OSBPL6: variants seen among roughly 807,000 people sequenced by gnomAD.
OSBPL6 encodes oxysterol binding protein like 6.
Under a neutral mutation model 125.8 loss-of-function variants are expected in OSBPL6, and 49 were observed. The observed-to-expected ratio is 0.39, with a 90% CI of 0.31 to 0.49. The LOEUF is 0.49. OSBPL6 is among the 20% of genes least tolerant of loss of function. The pLI is 0.88. For synonymous variants in OSBPL6, 394 were observed against 391.8 expected, an observed-to-expected ratio of 1.01 and a Z score of -0.07; for missense variants, 986 against 1,135.4, an observed-to-expected ratio of 0.87 and a Z score of 1.89.
At chr2:178,292,609 G>A (rs1685388327) in intron 2 of OSBPL6, among the ~76,000 whole-genome samples, 1 of 152,006 alleles carries the variant, frequency 6.6e-6, no homozygotes, top group Non-Finnish European at 1.5e-5. Flanking sequence ...TCAAGTGTTT[G>A]GTCATTCAGA....
In OSBPL6 at chr2:178,248,472, A is replaced by G. The variant is rs1469715208; in HGVS notation, c.-350-36455A>G. Among the ~76,000 whole-genome samples the G allele has an allele frequency of 3.3e-5, 5 of 152,328 alleles. No homozygotes were observed. The South Asian group carries it at 8.3e-4, about 25-fold the overall frequency. On this transcript the variant is annotated intron_variant, in intron 1 of 24. Transcript: ENST00000190611. ...TTCTTGATGCATATTGTTGAAATCA[A>G]TGAAAAACAAACAAACATATAATCC... is the stretch of plus-strand genomic sequence containing the variant.
At chr2:178,252,489 C>A (rs1433908560) in intron 1 of OSBPL6, among the ~76,000 whole-genome samples, 1 of 151,900 alleles carries the variant, frequency 6.6e-6, no homozygotes, top group Non-Finnish European at 1.5e-5. Flanking sequence ...CATAATTGCC[C>A]AAACCAAAAC....
chr2:178,218,408 TAAAA>T (rs11357721), intron 1 of OSBPL6, among the ~76,000 whole-genome samples: 3 of 143,030 alleles, frequency 2.1e-5, no homozygotes, highest in Admixed American at 2.1e-4. Flanking sequence ...AAAAAAAAAT[TAAAA>T]AAAAAAAAGA....
chr2:178,231,233 G>A (rs528782206), intron 1 of OSBPL6, among the ~76,000 whole-genome samples: 2 of 152,272 alleles, frequency 1.3e-5, no homozygotes, highest in South Asian at 4.2e-4. Flanking sequence ...CAGGTGTAAT[G>A]TTTACAAAGC....
At chr2:178,345,334 G>A (rs897843049) in intron 11 of OSBPL6, among the ~76,000 whole-genome samples, 6 of 152,198 alleles carry the variant, frequency 3.9e-5, no homozygotes, top group African/African-American at 1.4e-4. Context: ...TGCATTGCAG[G>A]AGAATGGATG....
In OSBPL6 at chr2:178,389,085, C is replaced by T; in HGVS notation, c.2233C>T (p.His745Tyr). 3.1e-6 allele frequency: 5 copies of T among 1,613,964 alleles called. No individual in the cohort carries two copies. The highest frequency in any genetic ancestry group is 4.2e-6 in the Non-Finnish European group (5 of 1,179,936). Residue 745 changes from histidine to tyrosine, a missense_variant, in exon 21 of 25, where the codon CAT becomes TAT. His to Tyr is a moderately conservative substitution (Grantham distance 83). Transcript: ENST00000190611. ...CCTCAGTGGGAGAAGATGGATAGAACATTATGGAGAAGTAACCATCAGAAA... is the reference window on the plus strand; with the variant it reads ...CCTCAGTGGGAGAAGATGGATAGAATATTATGGAGAAGTAACCATCAGAAA... Reference protein sequence around the residue: ...NILSGRRWIEHYGEVTIRNTK... With the variant: ...NILSGRRWIEYYGEVTIRNTK...
intron 1 of OSBPL6, among the ~76,000 whole-genome samples, chr2:178,222,309 G>T (rs1235274491): frequency 2.0e-5 from 3 of 152,170 alleles, no homozygotes; most frequent in African/African-American, 7.2e-5. Context: ...ATTACAGAGA[G>T]ATTTCATAAT....
At chr2:178,314,448 A>G (rs1362656965) in intron 3 of OSBPL6, among the ~76,000 whole-genome samples, 1 of 152,166 alleles carries the variant, frequency 6.6e-6, no homozygotes, top group Non-Finnish European at 1.5e-5. Flanking sequence ...TCCTCTCTGG[A>G]GTGCTAGGTA....
intron 1 of OSBPL6, among the ~76,000 whole-genome samples, chr2:178,261,707 A>G (rs1425343670): frequency 6.6e-6 from 1 of 152,240 alleles, no homozygotes; most frequent in Non-Finnish European, 1.5e-5. Flanking sequence ...CTTGATGCAA[A>G]GTGTCTTATG....
chr2:178,203,506 T>C (rs2089366201), intron 1 of OSBPL6, among the ~76,000 whole-genome samples: 1 of 152,202 alleles, frequency 6.6e-6, no homozygotes, highest in Admixed American at 6.5e-5. Context: ...CGGAATATAA[T>C]TATAACTGTT....
chr2:178,335,248 AT>A (rs1689575055), intron 8 of OSBPL6, among the ~76,000 whole-genome samples: 1 of 152,032 alleles, frequency 6.6e-6, no homozygotes, highest in South Asian at 2.1e-4. Flanking sequence ...TTCATCCCTT[AT>A]TTGTTAAATA....
intron 1 of OSBPL6, among the ~76,000 whole-genome samples, chr2:178,258,303 G>T (rs1207027400): frequency 6.6e-6 from 1 of 151,636 alleles, no homozygotes; most frequent in Admixed American, 6.6e-5. Flanking sequence ...GTTTTGCCAT[G>T]TTGGCTGGTC....
intron 1 of OSBPL6, among the ~76,000 whole-genome samples, chr2:178,269,879 G>T (rs2092333453): frequency 6.6e-6 from 1 of 152,200 alleles, no homozygotes; most frequent in Non-Finnish European, 1.5e-5. Context: ...GACCTTTATG[G>T]AGATCAAAGC....
chr2:178,361,591 A>G, intron 12 of OSBPL6, 91 bp from the exon 13 acceptor site: 2 of 1,493,996 alleles, frequency 1.3e-6, no homozygotes, highest in Non-Finnish European at 1.8e-6. Context: ...AAAAATGCCT[A>G]TTTGTGAGTG....
At chr2:178,373,132 T>G (rs1279391714) in intron 14 of OSBPL6, among the ~76,000 whole-genome samples, 3 of 152,198 alleles carry the variant, frequency 2.0e-5, no homozygotes, top group African/African-American at 7.2e-5. Context: ...GGACAACTTG[T>G]CTTTGACTTA....
Position 178,314,283 on chromosome 2 carries a change from T to G in OSBPL6, c.102+7997T>G, listed in dbSNP as rs141516070. Among the ~76,000 whole-genome samples the G allele has an allele frequency of 2.5e-4, 38 of 152,298 alleles. 1 individual carries two copies. The highest frequency in any genetic ancestry group is 9.1e-4 in the African/African-American group (38 of 41,558). On this transcript the variant is annotated intron_variant, in intron 3 of 24. Coordinates refer to ENST00000190611, the MANE Select transcript of OSBPL6 (RefSeq NM_032523.4). ...CCCTGATTTGATACCTAACCTCCAA[T>G]TACAATCACCTCCAGTGTTACCAGT...
At position 178,339,113 on chromosome 2, in the gene OSBPL6, C is replaced by G; in HGVS notation, c.894+19C>G. On this transcript the variant is annotated intron_variant, in intron 10 of 24. Transcript: ENST00000190611. ...CATGCAGGTAAACATATTCCTGCTGCTGGTAAAAGGACTTAGGGTATTAAT... is the reference window on the plus strand; with the variant it reads ...CATGCAGGTAAACATATTCCTGCTGGTGGTAAAAGGACTTAGGGTATTAAT... 1 of 1,479,828 alleles carries G rather than the reference C, an allele frequency of 6.8e-7. No homozygotes were observed. The highest frequency in any genetic ancestry group is 9.4e-7 in the Non-Finnish European group (1 of 1,061,434). The allele number at this position is 1,479,828 out of a possible 1,614,324, so 91.7% of individuals were successfully genotyped here.
At chr2:178,318,574 T>C (rs1273254252) in intron 3 of OSBPL6, among the ~76,000 whole-genome samples, 1 of 152,224 alleles carries the variant, frequency 6.6e-6, no homozygotes, top group Non-Finnish European at 1.5e-5. Flanking sequence ...AAAATCCACA[T>C]GCATCTTCTG....
At chr2:178,270,266 A>G (rs1358938049) in intron 1 of OSBPL6, among the ~76,000 whole-genome samples, 2 of 152,220 alleles carry the variant, frequency 1.3e-5, no homozygotes, top group Admixed American at 6.5e-5. Flanking sequence ...AGAGATGAAC[A>G]GGGAGAATCA....
Sources: gnomAD v4.1 joint callset for allele counts (sites outside exome capture counted in the v4.1 genomes callset) on GRCh38, gnomAD v4.1.1 for gene constraint, MANE v1.5 for transcripts, NCBI Gene and HGNC (gene_info 2026-07-23, HGNC 2026-07-21) for gene names.